REST: variants seen among roughly 807,000 people sequenced by gnomAD.
REST encodes RE1 silencing transcription factor.
REST carries 1 observed loss-of-function variant against 30.4 expected under a neutral mutation model. The observed-to-expected ratio is 0.03, with a 90% CI of 0.01 to 0.16. The LOEUF (loss-of-function observed/expected upper bound fraction) is 0.16, where lower values mean the gene tolerates loss of function less well. Among genes scored for constraint, REST ranks in the 10% least tolerant of loss-of-function variants. The pLI is 1.00. For synonymous variants in REST, 504 were observed against 451.1 expected, an observed-to-expected ratio of 1.12 and a Z score of -1.49; for missense variants, 1,259 against 1,329.5, an observed-to-expected ratio of 0.95 and a Z score of 0.82.
intron 3 of REST, among the ~76,000 whole-genome samples, chr4:56,928,183 C>T (rs1377251564): frequency 2.0e-5 from 3 of 152,204 alleles, no homozygotes; most frequent in Non-Finnish European, 4.4e-5. Context: ...TCTTGGCTCA[C>T]TGTAATCTTG....
intron 2 of REST, 129 bp downstream of exon 2, chr4:56,911,665 C>T: frequency 1.4e-6 from 1 of 734,092 alleles, no homozygotes; most frequent in Non-Finnish European, 2.2e-6. Flanking sequence ...TCTTTGTGAC[C>T]TTGCACAAGT....
At position 56,932,313 on chromosome 4, in the gene REST, ATTG is replaced by A; in HGVS notation, c.*166_*168del. The A allele has an allele frequency of 2.8e-6, 2 of 708,268 alleles. No homozygotes were observed. Among genetic ancestry groups the A allele is most frequent in the East Asian group, 2.8e-5 (1 of 35,934 alleles). The allele number at this position is 708,268 out of a possible 1,614,324, so 43.9% of individuals were successfully genotyped here. A position where few individuals can be genotyped will look rare whatever the true frequency, so the allele number is the denominator to read the frequency against. On this transcript the variant is annotated 3_prime_UTR_variant, in exon 4 of 4. Coordinates refer to ENST00000309042, the MANE Select transcript of REST (RefSeq NM_005612.5). Reference sequence around the variant, plus strand: ...TAGGACTTTTTATGTATACCTGTTGATTGTTGTGTAAATTTTAGTAAATCTAAG... The same window carrying A: ...TAGGACTTTTTATGTATACCTGTTGATTGTGTAAATTTTAGTAAATCTAAG...
At position 56,932,511 on chromosome 4, in the gene REST, A is replaced by C. The variant is rs985329111; in HGVS notation, c.*359A>C. 1.2e-4 allele frequency: 19 copies of C among 163,018 alleles called. No individual in the cohort carries two copies. The highest frequency in any genetic ancestry group is 2.2e-4 in the Non-Finnish European group (17 of 75,796). The allele number at this position is 163,018 out of a possible 1,614,324, so 10.1% of individuals were successfully genotyped here. On this transcript the variant is annotated 3_prime_UTR_variant, in exon 4 of 4. Transcript: ENST00000309042. Reference sequence around the variant, plus strand: ...AGTTTATTCTTCGTTTTTTATTGAGATCTATAAAAAATTGGCTTACTTAAT... The same window carrying C: ...AGTTTATTCTTCGTTTTTTATTGAGCTCTATAAAAAATTGGCTTACTTAAT...
rs1172204684 is a variant in REST, at chr4:56,908,160, C to T, written c.-63C>T. 1.4e-5 allele frequency: 3 copies of T among 219,882 alleles called. No homozygotes were observed. Among genetic ancestry groups the T allele is most frequent in the Non-Finnish European group, 2.7e-5 (3 of 111,766 alleles). The allele number at this position is 219,882 out of a possible 1,614,324, so 13.6% of individuals were successfully genotyped here. ...AACTCCAGCAACAAAGAAAAGTAGT[C>T]GGAGAAGGAGCGGCGACTCAGGGTC... On this transcript the variant is annotated 5_prime_UTR_variant, in exon 1 of 4. Coordinates refer to ENST00000309042, the MANE Select transcript of REST (RefSeq NM_005612.5).
chr4:56,914,143 TG>T (rs879609507), intron 2 of REST, among the ~76,000 whole-genome samples: 9 of 151,304 alleles, frequency 5.9e-5, no homozygotes, highest in Non-Finnish European at 1.2e-4. Flanking sequence ...TTGCCCAGAT[TG>T]GTCTGTAACT....
intron 2 of REST, 134 bp downstream of exon 2, chr4:56,911,670 A>G (rs1324596463): frequency 1.4e-6 from 1 of 708,522 alleles, no homozygotes; most frequent in Admixed American, 2.7e-5. Flanking sequence ...GTGACCTTGC[A>G]CAAGTTGTTT....
chr4:56,916,169 G>T (rs962040892), intron 2 of REST, among the ~76,000 whole-genome samples: 1 of 152,112 alleles, frequency 6.6e-6, no homozygotes, highest in Admixed American at 6.5e-5. Context: ...CCAAAAGGGT[G>T]GGGGGAGCTG....
intron 2 of REST, among the ~76,000 whole-genome samples, chr4:56,913,381 A>G (rs1239933322): frequency 6.6e-6 from 1 of 152,184 alleles, no homozygotes; most frequent in Non-Finnish European, 1.5e-5. Context: ...CATTTTTCAA[A>G]TAAATGTTTT....
intron 2 of REST, among the ~76,000 whole-genome samples, chr4:56,915,735 A>G (rs886562675): frequency 1.3e-5 from 2 of 152,196 alleles, no homozygotes; most frequent in African/African-American, 4.8e-5. Context: ...TTCAGGAATT[A>G]CTTCTCATTT....
At position 56,931,593 on chromosome 4, in the gene REST, A is replaced by G. The variant is rs775073659; in HGVS notation, c.2735A>G (p.Asn912Ser). 3 of 1,614,252 alleles carry G rather than the reference A, an allele frequency of 1.9e-6. No individual in the cohort carries two copies. ...GAGAGCCTACCTGGTCTTGCTGCTA[A>G]TATCAACGAATCTACCCATATTTCA... is the stretch of plus-strand genomic sequence containing the variant. ...ADESLPGLAA[N>S]INESTHISSS... The change falls in exon 4 of 4, where the codon AAT (asparagine) becomes AGT (serine). Residue 912 changes from asparagine (N) to serine (S), a missense_variant. Asn to Ser is a conservative substitution (Grantham distance 46). Coordinates refer to ENST00000309042, the MANE Select transcript of REST (RefSeq NM_005612.5).
Position 56,921,737 on chromosome 4 carries a change from ACTAT to A in REST, c.982+1870_982+1873del, listed in dbSNP as rs375709135. ...AGATTTCAAACAATGTGAAGAAAAG[ACTAT>A]CTTTCTCTGAAGCAGGTTAGAGAAA... On this transcript the variant is annotated intron_variant, in intron 3 of 3. Coordinates refer to ENST00000309042, the MANE Select transcript of REST (RefSeq NM_005612.5). Among the ~76,000 whole-genome samples, 77 of 152,342 alleles carry A rather than the reference ACTAT, an allele frequency of 5.1e-4. 1 individual carries two copies. In the South Asian group the frequency reaches 0.014, roughly 28 times the overall value.
At chr4:56,911,607 G>A in intron 2 of REST, 71 bp downstream of exon 2, 1 of 1,277,968 alleles carries the variant, frequency 7.8e-7, no homozygotes, top group Admixed American at 2.2e-5. Context: ...TAGTTAAGTA[G>A]TGCTTGAGAA....
intron 2 of REST, among the ~76,000 whole-genome samples, chr4:56,919,371 C>T (rs1720346219): frequency 6.6e-6 from 1 of 151,442 alleles, no homozygotes; most frequent in Non-Finnish European, 1.5e-5. Flanking sequence ...TCATCATTTA[C>T]AAGTTAAAAA....
chr4:56,910,938 A>G lies in REST; in HGVS notation c.300A>G (p.Lys100=), dbSNP rs373707477. 23 of 1,614,106 alleles carry G rather than the reference A, an allele frequency of 1.4e-5. No individual in the cohort carries two copies. Among genetic ancestry groups the G allele is most frequent in the Non-Finnish European group, 1.7e-5 (20 of 1,180,036 alleles). ...GACTTGAAGAGTCTGCTGATATAAA[A>G]GGTGAACCTCATGGACTGGAAAACA... ...GEGLEESADI[K]GEPHGLENME... is the part of the protein sequence containing the mutation. Residue 100 remains lysine, a synonymous_variant, in exon 2 of 4, where the codon AAA becomes AAG. Transcript: ENST00000309042.
chr4:56,929,871 G>A lies in REST; in HGVS notation c.1013G>A (p.Ser338Asn). ...GEKPFKCDQCSYVASNQHEVT... is the reference protein window; with the variant it reads ...GEKPFKCDQCNYVASNQHEVT... ...AAGCCATTTAAATGTGATCAGTGCA[G>A]TTATGTGGCCTCTAATCAACATGAA... Residue 338 changes from serine to asparagine, a missense_variant, in exon 4 of 4, where the codon AGT (serine) becomes AAT (asparagine). Ser to Asn is a conservative substitution (Grantham distance 46, BLOSUM62 1). Coordinates refer to ENST00000309042, the MANE Select transcript of REST (RefSeq NM_005612.5). 6.2e-7 allele frequency: 1 copy of A among 1,613,992 alleles called. No individual in the cohort carries two copies. Among genetic ancestry groups the A allele is most frequent in the South Asian group, 1.1e-5 (1 of 91,060 alleles).
chr4:56,927,724 GT>G, intron 3 of REST: 3 of 732,066 alleles, frequency 4.1e-6, no homozygotes, highest in African/African-American at 1.9e-5. Context: ...GGGGGTTCTG[GT>G]TTTTTATGTA....
chr4:56,918,217 C>T (rs1272040978), intron 2 of REST, among the ~76,000 whole-genome samples: 2 of 149,462 alleles, frequency 1.3e-5, no homozygotes, highest in African/African-American at 4.9e-5. Flanking sequence ...ACTGGTTGGG[C>T]ATGGTGGCTC....
rs1720955743 is a variant in REST at position 56,931,219 on chromosome 4, G to A, written c.2361G>A (p.Val787=). 1.2e-6 allele frequency: 2 copies of A among 1,614,050 alleles called. No individual in the cohort carries two copies. The highest frequency in any genetic ancestry group is 1.7e-6 in the Non-Finnish European group (2 of 1,180,002). The part of the protein sequence containing the change: ...VQMELSPPMG[V]VQKEPAQREP... ...TGGAGTTGTCTCCTCCCATGGGGGT[G>A]GTTCAGAAGGAGCCTGCTCAGAGGG... The change falls in exon 4 of 4, where the codon GTG becomes GTA. Residue 787 remains valine, a synonymous_variant. Transcript: ENST00000309042.
At chr4:56,913,710 G>T (rs779385728) in intron 2 of REST, among the ~76,000 whole-genome samples, 1 of 152,068 alleles carries the variant, frequency 6.6e-6, no homozygotes, top group Admixed American at 6.6e-5. Context: ...GTGCAGTGAC[G>T]CGATCTCGGC....
Sources: allele counts gnomAD v4.1 joint callset (sites outside exome capture counted in the v4.1 genomes callset), GRCh38; gene constraint gnomAD v4.1.1; transcripts MANE v1.5; gene names NCBI Gene and HGNC (gene_info 2026-07-23, HGNC 2026-07-21).